Variants in PKIB observed in about 807,000 individuals in gnomAD.
PKIB encodes the protein PKI-beta.
Under a neutral mutation model 4.5 loss-of-function variants are expected in PKIB, and 2 were observed. The ratio of observed to expected loss-of-function variants is 0.44; its 90% CI spans 0.18 to 1.39. The LOEUF (loss-of-function observed/expected upper bound fraction) is 1.39, where lower values mean the gene tolerates loss of function less well. PKIB is among the 40% of genes most tolerant of loss of function. The pLI is 0.27. For missense variants in PKIB, 94 were observed against 92.6 expected (o/e 1.02, Z -0.06); for synonymous variants, 38 against 36.0 (o/e 1.06, Z -0.20).
intron 1 of PKIB, among the ~76,000 whole-genome samples, chr6:122,629,346 A>G (rs1479615553): frequency 2.0e-5 from 3 of 152,342 alleles, no homozygotes; most frequent in South Asian, 4.1e-4. Context: ...TTTGCAGAGC[A>G]TAATAAAGTA....
At chr6:122,717,049 T>C (rs1050484892) in intron 3 of PKIB, among the ~76,000 whole-genome samples, 1 of 152,142 alleles carries the variant, frequency 6.6e-6, no homozygotes, top group Non-Finnish European at 1.5e-5. Flanking sequence ...AAGGTCAGTT[T>C]TAGAGTAAGC....
At position 122,528,556 on chromosome 6, in the gene PKIB, A is replaced by T. The variant is rs796373174; in HGVS notation, c.-248+50617A>T. On this transcript the variant is annotated intron_variant, in intron 2 of 6. Coordinates refer to the PKIB transcript ENST00000392491. ...CCATCTTGCTGTATCCTCACATGAT[A>T]GAGAAAGAAGGAGCTCTAATATTTT... Among the ~76,000 whole-genome samples, 62 of 152,270 alleles carry T rather than the reference A, an allele frequency of 4.1e-4. 1 individual carries two copies. Among genetic ancestry groups the T allele is most frequent in the African/African-American group, 1.3e-3 (54 of 41,560 alleles).
At chr6:122,514,188 C>CT (rs955206444) in intron 2 of PKIB, among the ~76,000 whole-genome samples, 8 of 151,982 alleles carry the variant, frequency 5.3e-5, no homozygotes, top group African/African-American at 9.7e-5. Context: ...GAATGCTTGC[C>CT]TTTTTTTGGC....
chr6:122,501,020 C>A lies in PKIB; in HGVS notation c.-248+23081C>A, dbSNP rs539924625. 5.9e-5 allele frequency among the ~76,000 whole-genome samples: 9 copies of A among 152,228 alleles called. No homozygotes were observed. In the South Asian group the frequency reaches 1.9e-3, roughly 32 times the overall value. On this transcript the variant is annotated intron_variant, in intron 2 of 6. Coordinates refer to the PKIB transcript ENST00000392491. The stretch of plus-strand genomic sequence containing the variant: ...ATCACCCCCCACCAGGACCCTCTCC[C>A]AACACGTGGGGATTACAATTTGACA...
chr6:122,639,048 C>A (rs1056477606), intron 2 of PKIB, among the ~76,000 whole-genome samples: 4 of 152,128 alleles, frequency 2.6e-5, no homozygotes, highest in Non-Finnish European at 5.9e-5. Context: ...GTCAAAAGAA[C>A]TGTGTAAAAT....
chr6:122,512,588 C>G (rs1221402633), intron 2 of PKIB, among the ~76,000 whole-genome samples: 1 of 152,126 alleles, frequency 6.6e-6, no homozygotes, highest in Non-Finnish European at 1.5e-5. Context: ...CCATAGTTAG[C>G]TTGAGCTGTG....
intron 2 of PKIB, among the ~76,000 whole-genome samples, chr6:122,546,918 A>AG (rs758599976): frequency 6.6e-6 from 1 of 152,094 alleles, no homozygotes; most frequent in Non-Finnish European, 1.5e-5. Flanking sequence ...AACGTAATAT[A>AG]TAGTAGAAAG....
At chr6:122,603,489 T>C (rs1774438035) in intron 3 of PKIB, among the ~76,000 whole-genome samples, 1 of 152,112 alleles carries the variant, frequency 6.6e-6, no homozygotes, top group African/African-American at 2.4e-5. Flanking sequence ...CTTTTTTTCT[T>C]TTTTTTTGAG....
chr6:122,559,542 A>G (rs533886250), intron 2 of PKIB, among the ~76,000 whole-genome samples: 32 of 150,506 alleles, frequency 2.1e-4, no homozygotes, highest in African/African-American at 6.8e-4. Context: ...TTTGTTCCCT[A>G]TGAATTTTAG....
At chr6:122,670,993 A>G (rs1777440680) in intron 2 of PKIB, among the ~76,000 whole-genome samples, 1 of 152,212 alleles carries the variant, frequency 6.6e-6, no homozygotes, top group Admixed American at 6.5e-5. Context: ...CAAAAATTTA[A>G]AAGAATACTT....
At chr6:122,688,248 A>C (rs1411635440) in intron 3 of PKIB, among the ~76,000 whole-genome samples, 2 of 152,208 alleles carry the variant, frequency 1.3e-5, no homozygotes, top group Admixed American at 1.3e-4. Flanking sequence ...AATATAATGT[A>C]TCACACTGAT....
chr6:122,566,652 G>GCCTTCCTT (rs60964400), intron 2 of PKIB, among the ~76,000 whole-genome samples: 2 of 147,782 alleles, frequency 1.4e-5, no homozygotes, highest in African/African-American at 5.0e-5. Context: ...CTTCCTTCCT[G>GCCTTCCTT]CCTTCCTTCC....
chr6:122,719,496 T>C (rs2115081316), intron 4 of PKIB, among the ~76,000 whole-genome samples: 1 of 152,208 alleles, frequency 6.6e-6, no homozygotes, highest in South Asian at 2.1e-4. Flanking sequence ...ATGATCTTAT[T>C]CATGGAATCT....
chr6:122,477,418 C>T (rs1423189004), intron 1 of PKIB, among the ~76,000 whole-genome samples: 1 of 152,104 alleles, frequency 6.6e-6, no homozygotes, highest in Non-Finnish European at 1.5e-5. Context: ...ATATAAAAAT[C>T]AGATATGAGA....
chr6:122,590,830 G>A (rs942403246), intron 3 of PKIB, among the ~76,000 whole-genome samples: 3 of 152,160 alleles, frequency 2.0e-5, no homozygotes, highest in African/African-American at 4.8e-5. Flanking sequence ...TGCATGCTTA[G>A]CGTGTGGTCC....
At chr6:122,703,937 T>TAGAGAGAGAG (rs1277973682) in intron 3 of PKIB, among the ~76,000 whole-genome samples, 1 of 130,386 alleles carries the variant, frequency 7.7e-6, no homozygotes, top group South Asian at 2.3e-4. Context: ...TATATATATA[T>TAGAGAGAGAG]ATATAGAGAG....
intron 2 of PKIB, among the ~76,000 whole-genome samples, chr6:122,670,633 T>C (rs1777427536): frequency 6.6e-6 from 1 of 152,230 alleles, no homozygotes; most frequent in Admixed American, 6.5e-5. Context: ...CTTTCAACTT[T>C]TATTATTTCA....
chr6:122,656,954 G>A (rs978694871), intron 2 of PKIB, among the ~76,000 whole-genome samples: 3 of 151,960 alleles, frequency 2.0e-5, no homozygotes, highest in Non-Finnish European at 4.4e-5. Context: ...TTTCAGAATT[G>A]TAAATTGTAA....
intron 1 of PKIB, among the ~76,000 whole-genome samples, chr6:122,611,169 G>A (rs962866475): frequency 2.0e-5 from 3 of 152,184 alleles, no homozygotes; most frequent in Admixed American, 6.5e-5. Context: ...AGGTGGTCGC[G>A]GGCTGAGGGA....
Sources: allele counts gnomAD v4.1 joint callset (sites outside exome capture counted in the v4.1 genomes callset), GRCh38; gene constraint gnomAD v4.1.1; transcripts MANE v1.5; gene names NCBI Gene and HGNC (gene_info 2026-07-23, HGNC 2026-07-21).